Variants in AGBL1 observed in about 807,000 individuals in gnomAD.
AGBL1 encodes cytosolic carboxypeptidase 4.
A neutral mutation model predicts 118.9 loss-of-function variants in AGBL1; 130 were observed. The observed-to-expected ratio is 1.09, with a 90% CI of 0.95 to 1.26. The LOEUF (loss-of-function observed/expected upper bound fraction) is 1.26, where lower values mean the gene tolerates loss of function less well. Among genes scored for constraint, AGBL1 ranks in the 50% most tolerant of loss-of-function variants. AGBL1 has a pLI of 0.00. For missense variants in AGBL1, 1,584 were observed against 1,298.1 expected (o/e 1.22, Z -3.38); for synonymous variants, 555 against 478.9 (o/e 1.16, Z -2.08).
chr15:86,485,779 G>T (rs976091296), intron 18 of AGBL1, among the ~76,000 whole-genome samples: 1 of 152,086 alleles, frequency 6.6e-6, no homozygotes, highest in Admixed American at 6.6e-5. Context: ...ATTCTGTGTT[G>T]CAGAGGTATT....
chr15:86,794,970 A>G (rs1370817114), intron 22 of AGBL1, among the ~76,000 whole-genome samples: 4 of 152,170 alleles, frequency 2.6e-5, no homozygotes, highest in Non-Finnish European at 5.9e-5. Context: ...GGGGACCAGC[A>G]CCTGTCAAAA....
chr15:86,825,892 GATAGATAGATA>G (rs1567193326), intron 22 of AGBL1, among the ~76,000 whole-genome samples: 3 of 6,242 alleles, frequency 4.8e-4, no homozygotes, highest in Non-Finnish European at 1.5e-3. Context: ...TGGATGGATA[GATAGATAGATA>G]GATAGATAGA....
At chr15:86,363,361 T>G (rs1208533973) in intron 17 of AGBL1, among the ~76,000 whole-genome samples, 1 of 152,170 alleles carries the variant, frequency 6.6e-6, no homozygotes, top group Non-Finnish European at 1.5e-5. Flanking sequence ...TGTTCCCATA[T>G]TCTTTGTAAC....
chr15:86,256,922 C>G lies in AGBL1; in HGVS notation c.805C>G (p.Pro269Ala). The change falls in exon 8 of 23, where the codon CCT becomes GCT. Residue 269 changes from proline (P) to alanine (A), a missense_variant. By Grantham distance (27) the Pro-to-Ala change is conservative. Transcript: ENST00000614907. The part of the protein sequence containing the change: ...VVLQILRQCY[P>A]TSPLPLVTAS... ...GCTTCAGATCCTGAGGCAGTGCTACCCTACGAGTCCACTTCCCTTGGTCAC... is the reference window on the plus strand; with the variant it reads ...GCTTCAGATCCTGAGGCAGTGCTACGCTACGAGTCCACTTCCCTTGGTCAC... 1 of 1,613,898 alleles carries G rather than the reference C, an allele frequency of 6.2e-7. No homozygotes were observed. The highest frequency in any genetic ancestry group is 1.1e-5 in the South Asian group (1 of 91,062).
intron 21 of AGBL1, among the ~76,000 whole-genome samples, chr15:86,599,394 G>A (rs989598714): frequency 2.0e-5 from 3 of 151,882 alleles, no homozygotes; most frequent in African/African-American, 7.3e-5. Flanking sequence ...TGTTAACCAT[G>A]CAGGGTCAAA....
At chr15:86,749,321 T>G (rs548326940) in intron 22 of AGBL1, among the ~76,000 whole-genome samples, 102 of 152,286 alleles carry the variant, frequency 6.7e-4, no homozygotes, top group African/African-American at 2.3e-3. Context: ...TGTCTATTAT[T>G]GGCGTATAAG....
intron 15 of AGBL1, among the ~76,000 whole-genome samples, chr15:86,274,833 A>G (rs534835269): frequency 1.3e-5 from 2 of 152,084 alleles, no homozygotes; most frequent in African/African-American, 2.4e-5. Flanking sequence ...CTTTCTTACT[A>G]TCTAGATAAT....
intron 5 of AGBL1, among the ~76,000 whole-genome samples, chr15:86,171,721 TAAAC>T (rs2077418559): frequency 6.6e-6 from 1 of 152,170 alleles, no homozygotes; most frequent in Admixed American, 6.5e-5. Flanking sequence ...ATCATATTGA[TAAAC>T]AAGTTACTCA....
intron 17 of AGBL1, among the ~76,000 whole-genome samples, chr15:86,344,589 G>C (rs2080508747): frequency 6.6e-6 from 1 of 151,724 alleles, no homozygotes; most frequent in Admixed American, 6.6e-5. Context: ...TCCTGGGTTG[G>C]ATCACAGGTC....
chr15:86,979,650 G>A (rs998098929), intron 23 of AGBL1, among the ~76,000 whole-genome samples: 2 of 146,140 alleles, frequency 1.4e-5, no homozygotes, highest in African/African-American at 5.0e-5. Flanking sequence ...CACCACGCCC[G>A]GCTAATTTTT....
chr15:86,605,461 C>T (rs565183871), intron 21 of AGBL1, among the ~76,000 whole-genome samples: 8 of 152,092 alleles, frequency 5.3e-5, no homozygotes, highest in Non-Finnish European at 1.0e-4. Context: ...TCCTTTGATA[C>T]AATGCAGGCA....
intron 17 of AGBL1, among the ~76,000 whole-genome samples, chr15:86,320,266 TTAAG>T (rs1419070020): frequency 2.0e-5 from 3 of 152,196 alleles, no homozygotes; most frequent in African/African-American, 7.2e-5. Context: ...TATTTCACCA[TTAAG>T]TAAGATTCTA....
chr15:86,582,574 A>C (rs12440775), intron 21 of AGBL1, among the ~76,000 whole-genome samples: 106,463 of 151,722 alleles, frequency 0.7, 37,555 homozygotes, highest in Non-Finnish European at 0.74. Flanking sequence ...ATGTTTATTG[A>C]GGCACTATTC....
At chr15:86,484,513 G>C (rs2082690391) in intron 18 of AGBL1, among the ~76,000 whole-genome samples, 1 of 152,092 alleles carries the variant, frequency 6.6e-6, no homozygotes, top group South Asian at 2.1e-4. Context: ...TTTTGATTAT[G>C]TGACTAAGAC....
At chr15:86,202,527 G>A (rs1344741205) in intron 5 of AGBL1, among the ~76,000 whole-genome samples, 9 of 152,256 alleles carry the variant, frequency 5.9e-5, no homozygotes, top group Middle Eastern at 3.4e-3. Flanking sequence ...AAAAACAATT[G>A]AAATGAGTGA....
intron 22 of AGBL1, among the ~76,000 whole-genome samples, chr15:86,726,442 T>G (rs2086819749): frequency 6.6e-6 from 1 of 152,208 alleles, no homozygotes; most frequent in South Asian, 2.1e-4. Context: ...GAGGATCGGT[T>G]TCTCCATCTA....
chr15:86,586,734 G>A (rs1187795501), intron 21 of AGBL1, among the ~76,000 whole-genome samples: 1 of 152,118 alleles, frequency 6.6e-6, no homozygotes, highest in Non-Finnish European at 1.5e-5. Flanking sequence ...TGAAAAGGCA[G>A]GCCATCTCGA....
intron 22 of AGBL1, among the ~76,000 whole-genome samples, chr15:86,692,851 A>G (rs747753229): frequency 6.6e-6 from 1 of 152,150 alleles, no homozygotes; most frequent in Non-Finnish European, 1.5e-5. Context: ...GAGTGAGAAC[A>G]TACAATGTTT....
rs368149237 is a variant in AGBL1 at position 86,760,403 on chromosome 15, G to A, written c.3158+85967G>A. ...CCCGCATTCTCCTACTTGCCCATTC[G>A]TCATTCCCCAATCCCTAGATTCCCC... On this transcript the variant is annotated intron_variant, in intron 22 of 22. Transcript: ENST00000614907. 3.3e-5 allele frequency among the ~76,000 whole-genome samples: 5 copies of A among 151,950 alleles called. No homozygotes were observed. The East Asian group carries it at 7.8e-4, about 24-fold the overall frequency.
Sources: allele counts gnomAD v4.1 joint callset (sites outside exome capture counted in the v4.1 genomes callset), GRCh38; gene constraint gnomAD v4.1.1; transcripts MANE v1.5; gene names NCBI Gene and HGNC (gene_info 2026-07-23, HGNC 2026-07-21).